ENOX2: variants seen among roughly 807,000 people sequenced by gnomAD.
The protein encoded by ENOX2 is ecto-NOX disulfide-thiol exchanger 2, also known as APK1 antigen.
ENOX2 carries 36 observed loss-of-function variants against 45.0 expected under a neutral mutation model. The observed-to-expected ratio is 0.80, with a 90% CI of 0.61 to 1.06. ENOX2 has a LOEUF of 1.06. Ranked by LOEUF, ENOX2 falls within the 50% of genes least tolerant of loss-of-function variation. The pLI is 0.00. For missense variants in ENOX2, 423 were observed against 462.5 expected (o/e 0.91, Z 0.78); for synonymous variants, 174 against 152.3 (o/e 1.14, Z -1.05).
intron 5 of ENOX2, among the ~76,000 whole-genome samples, chrX:130,686,554 C>G (rs935100299): frequency 4.5e-5 from 5 of 111,518 alleles, no homozygotes; most frequent in African/African-American, 1.6e-4. Flanking sequence ...TGAGAACAGA[C>G]TAATACAATA....
chrX:130,812,943 C>T (rs12845577), intron 2 of ENOX2, among the ~76,000 whole-genome samples: 38 of 111,833 alleles, frequency 3.4e-4, no homozygotes, highest in Non-Finnish European at 6.4e-4. Context: ...GGTTGAGTAT[C>T]CCTAATCTGA....
intron 3 of ENOX2, among the ~76,000 whole-genome samples, chrX:130,716,714 G>A (rs2038339628): frequency 8.9e-6 from 1 of 112,273 alleles, no homozygotes; most frequent in African/African-American, 3.2e-5. Context: ...TTCTGGGACA[G>A]TATTAATAAT....
intron 3 of ENOX2, among the ~76,000 whole-genome samples, chrX:130,783,113 A>G (rs2076919779): frequency 8.9e-6 from 1 of 112,079 alleles, no homozygotes; most frequent in Non-Finnish European, 1.9e-5. Context: ...TGCCACATGT[A>G]CATACAAAGA....
intron 2 of ENOX2, among the ~76,000 whole-genome samples, chrX:130,798,846 G>A (rs988176416): frequency 8.9e-6 from 1 of 111,825 alleles, no homozygotes; most frequent in Non-Finnish European, 1.9e-5. Context: ...GAAGAATACC[G>A]GAAAGCACTG....
chrX:130,638,234 A>C (rs2035986119), intron 10 of ENOX2, among the ~76,000 whole-genome samples: 1 of 109,069 alleles, frequency 9.2e-6, no homozygotes, highest in South Asian at 4.1e-4. Context: ...TGCCCGGCTA[A>C]TTTTTGTATT....
chrX:130,746,665 A>T (rs781718263), intron 3 of ENOX2, among the ~76,000 whole-genome samples: 1 of 112,373 alleles, frequency 8.9e-6, no homozygotes, highest in Middle Eastern at 4.6e-3. Context: ...AGCAGAACAA[A>T]CAATCAAGCT....
At chrX:130,642,378 T>C (rs1385535890) in intron 10 of ENOX2, among the ~76,000 whole-genome samples, 4 of 112,299 alleles carry the variant, frequency 3.6e-5, no homozygotes, top group Non-Finnish European at 7.5e-5. Context: ...AGTTGCTTCC[T>C]ATGGATGAGC....
At position 130,770,843 on chromosome X, in the gene ENOX2, G is replaced by A. The variant is rs946039051; in HGVS notation, c.-39+12704C>T. ...TGCAGAAGCCATTGTGGTAGTATTC[G>A]TCATCAAAATGTACAAGGCCCTTAA... On this transcript the variant is annotated intron_variant, in intron 3 of 14. Coordinates refer to ENST00000394363, the MANE Select transcript of ENOX2 (RefSeq NM_006375.4). Among the ~76,000 whole-genome samples, 5 of 112,001 alleles carry A rather than the reference G, an allele frequency of 4.5e-5. No homozygotes were observed. The South Asian group carries it at 1.5e-3, about 33-fold the overall frequency.
At chrX:130,640,858 G>A (rs932656100) in intron 10 of ENOX2, among the ~76,000 whole-genome samples, 1 of 111,013 alleles carries the variant, frequency 9.0e-6, no homozygotes, top group Non-Finnish European at 1.9e-5. Context: ...ACAATGGCAC[G>A]CATTTAGCTA....
At chrX:130,894,863 G>A (rs967551604) in intron 2 of ENOX2, among the ~76,000 whole-genome samples, 5 of 111,679 alleles carry the variant, frequency 4.5e-5, no homozygotes, top group African/African-American at 1.6e-4. Context: ...TGACTGCCTT[G>A]CATGTGTTGA....
intron 3 of ENOX2, among the ~76,000 whole-genome samples, chrX:130,779,829 C>CATAT (rs200333370): frequency 5.5e-5 from 6 of 110,073 alleles, no homozygotes; most frequent in African/African-American, 2.0e-4. Context: ...AAAGCTAAGG[C>CATAT]ATATATATAT....
intron 2 of ENOX2, among the ~76,000 whole-genome samples, chrX:130,794,222 T>A (rs2077085071): frequency 8.9e-6 from 1 of 112,398 alleles, no homozygotes; most frequent in African/African-American, 3.2e-5. Context: ...TCCCTGAGAA[T>A]GTGCCCAGAG....
intron 3 of ENOX2, among the ~76,000 whole-genome samples, chrX:130,717,351 C>T (rs775764970): frequency 2.7e-5 from 3 of 112,377 alleles, no homozygotes; most frequent in Non-Finnish European, 3.8e-5. Flanking sequence ...AGTTCAAGCA[C>T]TTAACTTCAA....
At chrX:130,738,053 T>G (rs1293036619) in intron 3 of ENOX2, among the ~76,000 whole-genome samples, 1 of 111,906 alleles carries the variant, frequency 8.9e-6, no homozygotes, top group Non-Finnish European at 1.9e-5. Flanking sequence ...ATCAGTTACC[T>G]TGAAATGTAA....
At chrX:130,681,329 G>A (rs1456619406) in intron 5 of ENOX2, among the ~76,000 whole-genome samples, 1 of 112,262 alleles carries the variant, frequency 8.9e-6, no homozygotes, top group African/African-American at 3.2e-5. Context: ...AACAAATAAT[G>A]CCTGGGTCCC....
At chrX:130,633,583 T>C (rs2035846250) in intron 12 of ENOX2, among the ~76,000 whole-genome samples, 2 of 112,921 alleles carry the variant, frequency 1.8e-5, no homozygotes, top group African/African-American at 6.4e-5. Flanking sequence ...TTAGGCACAA[T>C]ATGGCAAGTT....
chrX:130,783,369 C>T (rs962564606), intron 3 of ENOX2, among the ~76,000 whole-genome samples, 178 bp downstream of exon 3: 17 of 111,687 alleles, frequency 1.5e-4, no homozygotes, highest in Admixed American at 1.4e-3. Context: ...CACAGTTATT[C>T]GTGTATGTGC....
At chrX:130,807,203 T>C (rs1057330335) in intron 2 of ENOX2, among the ~76,000 whole-genome samples, 8 of 112,174 alleles carry the variant, frequency 7.1e-5, no homozygotes, top group South Asian at 3.7e-4. Context: ...GCTGAAAGAA[T>C]AAGATATTCA....
chrX:130,664,366 A>G (rs2036778109), intron 9 of ENOX2, among the ~76,000 whole-genome samples: 1 of 112,476 alleles, frequency 8.9e-6, no homozygotes, highest in Non-Finnish European at 1.9e-5. Context: ...CGAGACCACA[A>G]AGCATTTTGT....
Sources: gnomAD v4.1 joint callset for allele counts (sites outside exome capture counted in the v4.1 genomes callset) on GRCh38, gnomAD v4.1.1 for gene constraint, MANE v1.5 for transcripts, NCBI Gene and HGNC (gene_info 2026-07-23, HGNC 2026-07-21) for gene names.